The following LYN variants were observed in gnomAD, a reference collection of about 807,000 sequenced individuals.
LYN encodes the protein LYN proto-oncogene, Src family tyrosine kinase, also known as tyrosine-protein kinase Lyn.
Under a neutral mutation model 65.0 loss-of-function variants are expected in LYN, and 12 were observed. The ratio of observed to expected loss-of-function variants is 0.18; its 90% CI spans 0.12 to 0.30. The LOEUF (loss-of-function observed/expected upper bound fraction) is 0.30. LYN is among the 10% of genes least tolerant of loss of function. LYN has a pLI of 1.00. For synonymous variants in LYN, 222 were observed against 221.2 expected (o/e 1.00, Z -0.03); for missense variants, 380 against 623.2 (o/e 0.61, Z 4.16).
chr8:56,009,924 C>T lies in LYN; in HGVS notation c.1353C>T (p.Asp451=), dbSNP rs777296861. 2.5e-6 allele frequency: 4 copies of T among 1,613,862 alleles called. No homozygotes were observed. Among genetic ancestry groups the T allele is most frequent in the East Asian group, 2.2e-5 (1 of 44,882 alleles). Residue 451 remains aspartate (D), a synonymous_variant, in exon 13 of 13, where the codon GAC becomes GAT. Coordinates refer to ENST00000519728, the MANE Select transcript of LYN (RefSeq NM_002350.4). ...KIPYPGRTNA[D]VMTALSQGYR... is the part of the protein sequence containing the mutation. ...CCACCCTAGGGAGAACTAATGCCGACGTGATGACCGCCCTGTCCCAGGGCT... is the reference window on the plus strand; with the variant it reads ...CCACCCTAGGGAGAACTAATGCCGATGTGATGACCGCCCTGTCCCAGGGCT...
At chr8:55,916,175 A>G (rs539079982) in intron 1 of LYN, among the ~76,000 whole-genome samples, 80 of 152,266 alleles carry the variant, frequency 5.3e-4, no homozygotes, top group Admixed American at 1.5e-3. Context: ...ATTTTTATTG[A>G]GATGATCATT....
intron 1 of LYN, among the ~76,000 whole-genome samples, chr8:55,894,280 G>T (rs1197431459): frequency 6.6e-6 from 1 of 151,914 alleles, no homozygotes; most frequent in Non-Finnish European, 1.5e-5. Context: ...GGCTCCTGCA[G>T]CCTCCACCTC....
At chr8:55,895,870 G>A (rs1034620852) in intron 1 of LYN, 2 of 151,956 alleles carry the variant, frequency 1.3e-5, no homozygotes, top group Non-Finnish European at 2.9e-5. Flanking sequence ...GTACTACCCC[G>A]AGCCTTTTCT....
intron 1 of LYN, among the ~76,000 whole-genome samples, chr8:55,913,737 C>A (rs1048327195): frequency 2.0e-5 from 3 of 152,130 alleles, no homozygotes; most frequent in Non-Finnish European, 2.9e-5. Flanking sequence ...GTAGTTTTGT[C>A]TGGGGATTCG....
rs917947863 is a variant in LYN at position 56,012,819 on chromosome 8, G to A, written c.*2709G>A. 1.3e-5 allele frequency: 2 copies of A among 152,100 alleles called. No individual in the cohort carries two copies. Among genetic ancestry groups the A allele is most frequent in the Non-Finnish European group, 2.9e-5 (2 of 68,020 alleles). The allele number at this position is 152,100 out of a possible 1,614,324, so 9.4% of individuals were successfully genotyped here. A position where few individuals can be genotyped will look rare whatever the true frequency, so the allele number is the denominator to read the frequency against. On this transcript the variant is annotated 3_prime_UTR_variant, in exon 13 of 13. Coordinates refer to ENST00000519728, the MANE Select transcript of LYN (RefSeq NM_002350.4). ...GGTTTGACCCATATTACAAAGCCCAGCCTTCTTTTTCCTCAGATGGTTTCA... is the reference window on the plus strand; with the variant it reads ...GGTTTGACCCATATTACAAAGCCCAACCTTCTTTTTCCTCAGATGGTTTCA...
intron 8 of LYN, among the ~76,000 whole-genome samples, chr8:55,966,120 G>A (rs774535026): frequency 6.6e-6 from 1 of 152,100 alleles, no homozygotes; most frequent in African/African-American, 2.4e-5. Context: ...GCAAGACGTA[G>A]TCTAAAAATA....
At chr8:55,905,273 G>A (rs58841833) in intron 1 of LYN, among the ~76,000 whole-genome samples, 4,156 of 152,154 alleles carry the variant, frequency 0.027, 209 homozygotes, top group African/African-American at 0.096. Context: ...TTAGCCAGGC[G>A]TGGTGGCAGG....
intron 12 of LYN, among the ~76,000 whole-genome samples, chr8:56,004,429 G>A (rs1349591787): frequency 1.3e-5 from 2 of 151,722 alleles, no homozygotes; most frequent in Non-Finnish European, 2.9e-5. Flanking sequence ...GAGTTGCTGG[G>A]ACTACAGGTG....
intron 12 of LYN, among the ~76,000 whole-genome samples, chr8:56,000,573 A>G (rs1242957633): frequency 2.6e-5 from 4 of 151,720 alleles, no homozygotes; most frequent in Non-Finnish European, 4.4e-5. Flanking sequence ...CTAAAAATAC[A>G]AAAAATTAGC....
intron 1 of LYN, among the ~76,000 whole-genome samples, chr8:55,905,377 C>A (rs1194424904): frequency 6.6e-6 from 1 of 151,534 alleles, no homozygotes; most frequent in Admixed American, 6.6e-5. Context: ...CCATTGCACT[C>A]CAGCCTGGGC....
At chr8:55,970,932 C>A (rs1807592535) in intron 10 of LYN, among the ~76,000 whole-genome samples, 1 of 152,324 alleles carries the variant, frequency 6.6e-6, no homozygotes, top group East Asian at 1.9e-4. Flanking sequence ...ACATCAGACA[C>A]AGATGTTGTT....
At position 55,883,521 on chromosome 8, in the gene LYN, C is replaced by T. The variant is rs779702460; in HGVS notation, c.-6+3418C>T. Among the ~76,000 whole-genome samples, 44 of 152,208 alleles carry T rather than the reference C, an allele frequency of 2.9e-4. 1 individual carries two copies. The South Asian group carries it at 3.5e-3, about 12-fold the overall frequency. ...GATGACACCTATACTGGCTGCTGTC[C>T]GAGCAGCCCTAGTGACTGTCTTGGG... On this transcript the variant is annotated intron_variant, in intron 1 of 12. Transcript: ENST00000519728.
Position 55,953,962 on chromosome 8 carries a change from G to A in LYN, c.768G>A (p.Gly256=). The A allele has an allele frequency of 1.2e-6, 2 of 1,614,064 alleles. No individual in the cohort carries two copies. The highest frequency in any genetic ancestry group is 1.7e-6 in the Non-Finnish European group (2 of 1,179,956). ...SIKLVKRLGA[G]QFGEVWMGYY... ...AGTTGGTGAAAAGGCTTGGCGCTGG[G>A]CAGTTTGGGGAAGTCTGGATGGGTA... The change falls in exon 8 of 13, where the codon GGG becomes GGA. Residue 256 remains glycine, a synonymous_variant. Coordinates refer to ENST00000519728, the MANE Select transcript of LYN (RefSeq NM_002350.4).
intron 10 of LYN, among the ~76,000 whole-genome samples, chr8:55,996,735 C>T (rs975077751): frequency 2.0e-5 from 3 of 152,000 alleles, no homozygotes; most frequent in South Asian, 2.1e-4. Flanking sequence ...GACTTTGGAA[C>T]GATACTACAC....
At chr8:55,949,861 A>G (rs1806893021) in intron 4 of LYN, among the ~76,000 whole-genome samples, 1 of 152,134 alleles carries the variant, frequency 6.6e-6, no homozygotes, top group African/African-American at 2.4e-5. Flanking sequence ...TCATCACCAC[A>G]ATCCATTTTA....
chr8:55,935,406 A>T (rs187504843), intron 1 of LYN, among the ~76,000 whole-genome samples: 2 of 152,170 alleles, frequency 1.3e-5, no homozygotes, highest in Non-Finnish European at 2.9e-5. Flanking sequence ...TGACCATGGT[A>T]TGTAAGGCAA....
chr8:55,889,307 G>A (rs1804887291), intron 1 of LYN, among the ~76,000 whole-genome samples: 1 of 152,180 alleles, frequency 6.6e-6, no homozygotes, highest in Non-Finnish European at 1.5e-5. Context: ...GACCTCCTGG[G>A]CTCAAGCCAT....
intron 10 of LYN, among the ~76,000 whole-genome samples, chr8:55,997,134 C>T (rs1285626416): frequency 6.7e-6 from 1 of 149,526 alleles, no homozygotes. Context: ...TGCACTCCAG[C>T]CTGGGGGAGA....
chr8:55,927,096 C>T (rs935810951), intron 1 of LYN, among the ~76,000 whole-genome samples: 2 of 152,196 alleles, frequency 1.3e-5, no homozygotes, highest in Non-Finnish European at 2.9e-5. Flanking sequence ...AATGTTGATA[C>T]ATTAATTAAA....
Sources: gnomAD v4.1 joint callset for allele counts (sites outside exome capture counted in the v4.1 genomes callset) on GRCh38, gnomAD v4.1.1 for gene constraint, MANE v1.5 for transcripts, NCBI Gene and HGNC (gene_info 2026-07-23, HGNC 2026-07-21) for gene names.